PTPRD: variants seen among roughly 807,000 people sequenced by gnomAD.
PTPRD encodes the protein receptor-type tyrosine-protein phosphatase delta.
A neutral mutation model predicts 214.5 loss-of-function variants in PTPRD; 34 were observed. The ratio of observed to expected loss-of-function variants is 0.16; its 90% CI spans 0.12 to 0.21. The LOEUF (loss-of-function observed/expected upper bound fraction) is 0.21. PTPRD is among the 10% of genes least tolerant of loss of function. The pLI is 1.00. For missense variants in PTPRD, 2,545 were observed against 2,398.7 expected, an observed-to-expected ratio of 1.06 and a Z score of -1.27; for synonymous variants, 1,128 against 845.7, an observed-to-expected ratio of 1.33 and a Z score of -5.79.
intron 11 of PTPRD, among the ~76,000 whole-genome samples, chr9:8,964,190 GTGTTTT>G (rs1439391062): frequency 7.6e-5 from 4 of 52,950 alleles, no homozygotes; most frequent in South Asian, 1.3e-3. Context: ...GTTCAGGGCT[GTGTTTT>G]TTTTTTTTTT....
At chr9:9,910,834 A>C (rs578079862) in intron 5 of PTPRD, among the ~76,000 whole-genome samples, 1 of 152,184 alleles carries the variant, frequency 6.6e-6, no homozygotes, top group Non-Finnish European at 1.5e-5. Context: ...TAATACTTGG[A>C]AAACTGAGAA....
chr9:9,318,957 C>G (rs1036900864), intron 9 of PTPRD, among the ~76,000 whole-genome samples: 5 of 152,130 alleles, frequency 3.3e-5, no homozygotes, highest in African/African-American at 9.7e-5. Flanking sequence ...GTGCAATATA[C>G]AGTGCCTTCA....
intron 7 of PTPRD, among the ~76,000 whole-genome samples, chr9:9,698,981 T>A (rs1202461625): frequency 6.6e-6 from 1 of 152,186 alleles, no homozygotes; most frequent in Non-Finnish European, 1.5e-5. Flanking sequence ...TGTGTCTAAC[T>A]TTTTAATAAA....
intron 3 of PTPRD, among the ~76,000 whole-genome samples, chr9:10,043,461 A>G (rs1191001976): frequency 6.6e-6 from 1 of 151,886 alleles, no homozygotes; most frequent in Non-Finnish European, 1.5e-5. Flanking sequence ...GTAAAGGAGT[A>G]AAATCCTATA....
chr9:9,076,843 G>A (rs2099751977), intron 10 of PTPRD, among the ~76,000 whole-genome samples: 1 of 148,284 alleles, frequency 6.7e-6, no homozygotes, highest in Admixed American at 6.7e-5. Flanking sequence ...TGGAACATAT[G>A]GTAGCTCTAT....
intron 10 of PTPRD, among the ~76,000 whole-genome samples, chr9:9,036,067 G>C (rs2099620775): frequency 6.6e-6 from 1 of 152,022 alleles, no homozygotes; most frequent in Admixed American, 6.6e-5. Context: ...AAGTGTGTAA[G>C]ATTTAAGACT....
chr9:8,330,440 C>T (rs1839039112), intron 44 of PTPRD, among the ~76,000 whole-genome samples: 1 of 152,104 alleles, frequency 6.6e-6, no homozygotes, highest in African/African-American at 2.4e-5. Flanking sequence ...ATGTGTGACT[C>T]CCTTTATTGT....
intron 11 of PTPRD, among the ~76,000 whole-genome samples, chr9:8,903,323 C>G (rs1233692814): frequency 2.0e-5 from 3 of 152,112 alleles, no homozygotes; most frequent in Non-Finnish European, 4.4e-5. Context: ...CACTAAGCAA[C>G]TGACTGACTC....
chr9:10,360,415 C>T (rs1175321812), intron 2 of PTPRD, among the ~76,000 whole-genome samples: 1 of 152,210 alleles, frequency 6.6e-6, no homozygotes, highest in Non-Finnish European at 1.5e-5. Flanking sequence ...TTCTGCAGGG[C>T]ATGTCATTGT....
chr9:9,799,319 G>C (rs1250733004), intron 5 of PTPRD: 1 of 152,124 alleles, frequency 6.6e-6, no homozygotes, highest in Non-Finnish European at 1.5e-5. Context: ...CTTTAAATGA[G>C]TTAATCAATA....
chr9:9,551,804 C>A (rs1436237098), intron 8 of PTPRD, among the ~76,000 whole-genome samples: 1 of 151,976 alleles, frequency 6.6e-6, no homozygotes, highest in Admixed American at 6.6e-5. Flanking sequence ...CCCAAACCAA[C>A]TTATGTATCT....
intron 8 of PTPRD, among the ~76,000 whole-genome samples, chr9:9,485,924 A>G (rs1440902713): frequency 6.6e-6 from 1 of 151,972 alleles, no homozygotes; most frequent in Non-Finnish European, 1.5e-5. Flanking sequence ...AGGCCAAGGC[A>G]GGTGGATCAT....
intron 11 of PTPRD, among the ~76,000 whole-genome samples, chr9:8,808,554 A>C (rs1008874158): frequency 1.3e-5 from 2 of 150,670 alleles, no homozygotes; most frequent in African/African-American, 4.9e-5. Flanking sequence ...TAAAGCCCAG[A>C]GACACTCAAT....
At chr9:9,962,019 C>G (rs560405881) in intron 4 of PTPRD, among the ~76,000 whole-genome samples, 13 of 152,114 alleles carry the variant, frequency 8.5e-5, no homozygotes, top group African/African-American at 2.4e-4. Context: ...AACTTAGAAT[C>G]AGGTAGAAGA....
At chr9:9,012,861 G>C (rs555706150) in intron 11 of PTPRD, among the ~76,000 whole-genome samples, 4 of 152,106 alleles carry the variant, frequency 2.6e-5, no homozygotes, top group Non-Finnish European at 5.9e-5. Flanking sequence ...AAGAAAATCT[G>C]TGACTTGCCT....
rs1000391695 is a variant in PTPRD, at chr9:8,764,719, C to T, written c.-103-30773G>A. 2.6e-5 allele frequency among the ~76,000 whole-genome samples: 4 copies of T among 151,616 alleles called. No homozygotes were observed. In the East Asian group the frequency reaches 5.8e-4, roughly 22 times the overall value. On this transcript the variant is annotated intron_variant, in intron 11 of 45. Coordinates refer to ENST00000381196, the MANE Select transcript of PTPRD (RefSeq NM_002839.4). ...CTGAGGCAGGAGAGTTGTTTGAACC[C>T]GGGAGCTGGAGGTTGCAGTGAGCCG...
intron 44 of PTPRD, among the ~76,000 whole-genome samples, chr9:8,322,295 ATAAT>A (rs1333365638): frequency 1.2e-4 from 18 of 152,070 alleles, no homozygotes; most frequent in African/African-American, 4.3e-4. Flanking sequence ...CAAACTAGAA[ATAAT>A]TAAGCTTAAA....
intron 12 of PTPRD, among the ~76,000 whole-genome samples, chr9:8,717,781 G>A (rs932240233): frequency 2.6e-5 from 4 of 152,094 alleles, no homozygotes; most frequent in African/African-American, 4.8e-5. Flanking sequence ...CCGTTTTACC[G>A]GACAAGTTCC....
intron 3 of PTPRD, among the ~76,000 whole-genome samples, chr9:10,063,390 T>G (rs2097814046): frequency 6.6e-6 from 1 of 152,038 alleles, no homozygotes; most frequent in South Asian, 2.1e-4. Context: ...ACATTTAAAG[T>G]ATCTATTGAT....
Sources: gnomAD v4.1 joint callset for allele counts (sites outside exome capture counted in the v4.1 genomes callset) on GRCh38, gnomAD v4.1.1 for gene constraint, MANE v1.5 for transcripts, NCBI Gene and HGNC (gene_info 2026-07-23, HGNC 2026-07-21) for gene names.